Variants in SH2D4A observed in about 807,000 individuals in gnomAD.
SH2D4A encodes SH2 domain-containing protein 4A.
In SH2D4A, 70 loss-of-function variants were observed where a neutral mutation model predicts 64.7. The ratio of observed to expected loss-of-function variants is 1.08; its 90% confidence interval spans 0.89 to 1.32. The LOEUF is 1.32. Ranked by LOEUF, SH2D4A falls within the 40% of genes most tolerant of loss-of-function variation. The pLI is 0.00. For missense variants in SH2D4A, 706 were observed against 540.1 expected (o/e 1.31, Z -3.04); for synonymous variants, 268 against 200.7 (o/e 1.34, Z -2.83).
intron 8 of SH2D4A, among the ~76,000 whole-genome samples, chr8:19,381,017 T>A (rs75922695): frequency 0.057 from 8,611 of 152,110 alleles, 331 homozygotes; most frequent in South Asian, 0.086. Flanking sequence ...TATTTACTTA[T>A]GTCTTCTTTA....
rs754891726 is a variant in SH2D4A at position 19,357,206 on chromosome 8, C to G, written c.517C>G (p.Leu173Val). Residue 173 changes from leucine (L) to valine (V), a missense_variant, in exon 5 of 10, where the codon CTC becomes GTC. Transcript: ENST00000265807. Reference protein sequence around the residue: ...PTLEEEKIRSLSSSSRNIQQM... With the variant: ...PTLEEEKIRSVSSSSRNIQQM... Reference sequence around the variant, plus strand: ...ATGTGTTTCGTTTAATTTTTAGTCACTCTCCAGTTCTTCAAGAAATATTCA... The same window carrying G: ...ATGTGTTTCGTTTAATTTTTAGTCAGTCTCCAGTTCTTCAAGAAATATTCA... 1.9e-6 allele frequency: 3 copies of G among 1,612,352 alleles called. No individual in the cohort carries two copies. In the African/African-American group the frequency reaches 4.0e-5, roughly 22 times the overall value.
chr8:19,388,064 T>C (rs1176854519), intron 8 of SH2D4A, among the ~76,000 whole-genome samples: 1 of 152,202 alleles, frequency 6.6e-6, no homozygotes, highest in Non-Finnish European at 1.5e-5. Context: ...CAATCAAAAA[T>C]GCATCTTCTT....
At chr8:19,369,142 G>A (rs767283981) in intron 7 of SH2D4A, among the ~76,000 whole-genome samples, 6 of 152,066 alleles carry the variant, frequency 3.9e-5, no homozygotes, top group East Asian at 1.9e-4. Flanking sequence ...TCATTGATTC[G>A]TTTATGTTGA....
intron 2 of SH2D4A, among the ~76,000 whole-genome samples, chr8:19,323,873 A>T (rs556343095): frequency 1.3e-5 from 2 of 152,320 alleles, no homozygotes; most frequent in African/African-American, 4.8e-5. Context: ...GTTGCTATTC[A>T]CTTTTCACAG....
chr8:19,355,885 G>T (rs2052784035), intron 4 of SH2D4A, among the ~76,000 whole-genome samples: 2 of 152,204 alleles, frequency 1.3e-5, no homozygotes, highest in African/African-American at 4.8e-5. Flanking sequence ...AGTTTTATCA[G>T]TTGATAGGCT....
intron 8 of SH2D4A, among the ~76,000 whole-genome samples, chr8:19,381,359 T>C (rs2053290212): frequency 6.6e-6 from 1 of 152,158 alleles, no homozygotes; most frequent in African/African-American, 2.4e-5. Context: ...CATCAGTGTT[T>C]TATAGTTTTT....
At chr8:19,350,460 T>A (rs980548677) in intron 4 of SH2D4A, among the ~76,000 whole-genome samples, 1 of 152,116 alleles carries the variant, frequency 6.6e-6, no homozygotes, top group Admixed American at 6.5e-5. Context: ...AAAGACAATG[T>A]TTTTAGTTGT....
In SH2D4A at chr8:19,361,296, T is replaced by C; in HGVS notation, c.688T>C (p.Ser230Pro). The change falls in exon 6 of 10, where the codon TCG becomes CCG. Residue 230 changes from serine (S) to proline (P), a missense_variant. Coordinates refer to ENST00000265807, the MANE Select transcript of SH2D4A (RefSeq NM_022071.4). ...KQICKSWKED[S>P]EWQASLRKSK... ...GATTTGTAAGAGCTGGAAAGAAGAC[T>C]CGGAATGGCAGGCATCTCGTGAGTA... 6 of 1,611,532 alleles carry C rather than the reference T, an allele frequency of 3.7e-6. No individual in the cohort carries two copies. Among genetic ancestry groups the C allele is most frequent in the Non-Finnish European group, 5.1e-6 (6 of 1,179,248 alleles).
intron 8 of SH2D4A, among the ~76,000 whole-genome samples, chr8:19,391,544 C>A (rs189526987): frequency 6.6e-6 from 1 of 152,152 alleles, no homozygotes; most frequent in Non-Finnish European, 1.5e-5. Context: ...ATCTGCAAGT[C>A]GGGGAGACTG....
At chr8:19,368,339 G>A (rs566014942) in intron 7 of SH2D4A, among the ~76,000 whole-genome samples, 8 of 152,084 alleles carry the variant, frequency 5.3e-5, no homozygotes, top group Non-Finnish European at 8.8e-5. Flanking sequence ...CTGGCAATTC[G>A]TAGTAGTCTT....
At chr8:19,382,280 T>A (rs2053306555) in intron 8 of SH2D4A, among the ~76,000 whole-genome samples, 1 of 152,154 alleles carries the variant, frequency 6.6e-6, no homozygotes, top group Non-Finnish European at 1.5e-5. Flanking sequence ...GCCAAAAGAA[T>A]CAAGAATCAG....
intron 4 of SH2D4A, among the ~76,000 whole-genome samples, chr8:19,345,890 T>G (rs1322356169): frequency 6.6e-6 from 1 of 152,230 alleles, no homozygotes; most frequent in Non-Finnish European, 1.5e-5. Flanking sequence ...GAATTTCTGC[T>G]TCACCCTGAT....
At chr8:19,392,225 C>A (rs1487213228) in intron 8 of SH2D4A, among the ~76,000 whole-genome samples, 1 of 152,154 alleles carries the variant, frequency 6.6e-6, no homozygotes, top group Admixed American at 6.5e-5. Context: ...TATATAAAGA[C>A]ACACATATAG....
chr8:19,363,583 T>G (rs1051537201), intron 6 of SH2D4A, among the ~76,000 whole-genome samples: 1 of 152,178 alleles, frequency 6.6e-6, no homozygotes, highest in African/African-American at 2.4e-5. Flanking sequence ...TTGCTTCTCA[T>G]TCTGTCCTGC....
chr8:19,335,176 T>C (rs2052426697), intron 4 of SH2D4A, among the ~76,000 whole-genome samples: 1 of 151,868 alleles, frequency 6.6e-6, no homozygotes, highest in South Asian at 2.1e-4. Context: ...CAGTCCCAGC[T>C]ACTCGGGAGG....
At chr8:19,379,925 A>G (rs1384202750) in intron 8 of SH2D4A, among the ~76,000 whole-genome samples, 2 of 151,974 alleles carry the variant, frequency 1.3e-5, no homozygotes, top group African/African-American at 4.8e-5. Flanking sequence ...TTGTAGAGAC[A>G]GGATCTCACT....
intron 2 of SH2D4A, among the ~76,000 whole-genome samples, chr8:19,324,793 C>T (rs1313134706): frequency 6.6e-6 from 1 of 152,074 alleles, no homozygotes; most frequent in Admixed American, 6.6e-5. Context: ...CACAGAGACA[C>T]CATTCTGTGT....
chr8:19,378,712 C>T (rs373295476), intron 8 of SH2D4A, among the ~76,000 whole-genome samples: 9 of 151,848 alleles, frequency 5.9e-5, no homozygotes, highest in African/African-American at 9.7e-5. Flanking sequence ...CTGGGACAAC[C>T]GTTTTTAAGT....
At position 19,370,415 on chromosome 8, in the gene SH2D4A, T is replaced by C. The variant is rs1023925074; in HGVS notation, c.918-3115T>C. 7.2e-5 allele frequency among the ~76,000 whole-genome samples: 11 copies of C among 152,112 alleles called. No individual in the cohort carries two copies. The South Asian group carries it at 1.0e-3, about 14-fold the overall frequency. On this transcript the variant is annotated intron_variant, in intron 7 of 9. Coordinates refer to ENST00000265807, the MANE Select transcript of SH2D4A (RefSeq NM_022071.4). ...ATATTTGCTTTCTAAATTTAGGTGC[T>C]TCCATGTTAATTGAGTACATATATA... is the stretch of plus-strand genomic sequence containing the variant.
Sources: allele counts gnomAD v4.1 joint callset (sites outside exome capture counted in the v4.1 genomes callset), GRCh38; gene constraint gnomAD v4.1.1; transcripts MANE v1.5; gene names NCBI Gene and HGNC (gene_info 2026-07-23, HGNC 2026-07-21).